MCU: variants seen among roughly 807,000 people sequenced by gnomAD.
MCU encodes mitochondrial calcium uniporter, also known as calcium uniporter protein, mitochondrial.
A neutral mutation model predicts 45.2 loss-of-function variants in MCU; 12 were observed. That is an observed-to-expected ratio of 0.27 (90% CI 0.17 to 0.43). The LOEUF is 0.43. Among genes scored for constraint, MCU ranks in the 20% least tolerant of loss-of-function variants. The probability of loss-of-function intolerance (pLI) is 1.00; values close to 1 mark genes in which losing one functional copy is unlikely to be tolerated. For synonymous variants in MCU, 160 were observed against 165.1 expected (o/e 0.97, Z 0.24); for missense variants, 324 against 436.7 (o/e 0.74, Z 2.30).
intron 6 of MCU, among the ~76,000 whole-genome samples, chr10:72,883,824 G>A (rs1321338032): frequency 6.6e-6 from 1 of 152,124 alleles, no homozygotes; most frequent in Non-Finnish European, 1.5e-5. Context: ...AATATATACT[G>A]TATGACTCCA....
At chr10:72,855,432 AT>A (rs1249328804) in intron 2 of MCU, among the ~76,000 whole-genome samples, 1 of 151,768 alleles carries the variant, frequency 6.6e-6, no homozygotes, top group African/African-American at 2.4e-5. Context: ...AAAAAAAAAA[AT>A]TATCCAGGCA....
chr10:72,769,946 A>G (rs1308046264), intron 1 of MCU, among the ~76,000 whole-genome samples: 1 of 152,178 alleles, frequency 6.6e-6, no homozygotes, highest in African/African-American at 2.4e-5. Flanking sequence ...ATAAATTTCC[A>G]TCTGAGCACC....
At chr10:72,781,392 A>T (rs1408240521) in intron 1 of MCU, among the ~76,000 whole-genome samples, 1 of 152,190 alleles carries the variant, frequency 6.6e-6, no homozygotes, top group Non-Finnish European at 1.5e-5. Flanking sequence ...TCAGTATCTT[A>T]GATTTATTAT....
At chr10:72,831,662 G>A (rs1347587301) in intron 1 of MCU, among the ~76,000 whole-genome samples, 2 of 152,134 alleles carry the variant, frequency 1.3e-5, no homozygotes, top group African/African-American at 2.4e-5. Flanking sequence ...TGTATGGGGG[G>A]AAAATACAGC....
chr10:72,743,675 TG>T (rs1374554013), intron 1 of MCU, among the ~76,000 whole-genome samples: 8 of 152,110 alleles, frequency 5.3e-5, no homozygotes, highest in Non-Finnish European at 1.5e-5. Flanking sequence ...TAGAGGCAAA[TG>T]AAAAAAACTT....
At chr10:72,699,870 G>A (rs1204026506) in intron 1 of MCU, among the ~76,000 whole-genome samples, 1 of 152,066 alleles carries the variant, frequency 6.6e-6, no homozygotes, top group Non-Finnish European at 1.5e-5. Flanking sequence ...GGGGTTACAG[G>A]TGTGAGCCAC....
intron 1 of MCU, among the ~76,000 whole-genome samples, chr10:72,781,043 G>A (rs1458570005): frequency 2.0e-5 from 3 of 151,926 alleles, no homozygotes; most frequent in Admixed American, 6.6e-5. Context: ...TTTAAGAATT[G>A]GAACACTCAA....
At chr10:72,752,761 A>G (rs552115177) in intron 1 of MCU, among the ~76,000 whole-genome samples, 7 of 152,226 alleles carry the variant, frequency 4.6e-5, no homozygotes, top group Admixed American at 2.0e-4. Flanking sequence ...TAGCAGAGCA[A>G]TGGCTGCTGT....
chr10:72,858,963 A>G (rs1190559773), intron 2 of MCU, among the ~76,000 whole-genome samples: 1 of 152,154 alleles, frequency 6.6e-6, no homozygotes, highest in Non-Finnish European at 1.5e-5. Context: ...CTGTTTTTTC[A>G]TATCTGTAAA....
chr10:72,729,985 G>A (rs1477439037), intron 1 of MCU, among the ~76,000 whole-genome samples: 3 of 114,838 alleles, frequency 2.6e-5, no homozygotes, highest in African/African-American at 3.4e-5. Context: ...TCGAGACAGT[G>A]TCTGGCTGTG....
At chr10:72,863,392 AG>A (rs986666320) in intron 4 of MCU, among the ~76,000 whole-genome samples, 3 of 152,176 alleles carry the variant, frequency 2.0e-5, no homozygotes, top group Non-Finnish European at 4.4e-5. Context: ...GATTGTGCAG[AG>A]GCCATATTCA....
chr10:72,837,856 G>GT (rs765624802), intron 2 of MCU, among the ~76,000 whole-genome samples: 2,927 of 131,984 alleles, frequency 0.022, 59 homozygotes, highest in African/African-American at 0.049. Flanking sequence ...CCCAATACTG[G>GT]TTTTTTTTTT....
intron 1 of MCU, among the ~76,000 whole-genome samples, chr10:72,701,573 C>T (rs1842758784): frequency 6.6e-6 from 1 of 152,144 alleles, no homozygotes; most frequent in Non-Finnish European, 1.5e-5. Flanking sequence ...GTCGCCCAGG[C>T]TGGAGTGCAG....
In MCU at chr10:72,852,478, A is replaced by G. The variant is rs561122327; in HGVS notation, c.221-6699A>G. Among the ~76,000 whole-genome samples the G allele has an allele frequency of 2.6e-5, 4 of 152,372 alleles. No homozygotes were observed. The East Asian group carries it at 5.8e-4, about 22-fold the overall frequency. ...CTGCTATGGGAATTACTATCCTGCT[A>G]TAAACAACTAGAACACCAGACAAAA... On this transcript the variant is annotated intron_variant, in intron 2 of 7. Coordinates refer to ENST00000373053, the MANE Select transcript of MCU (RefSeq NM_138357.3).
chr10:72,719,021 C>T (rs973548284), intron 1 of MCU, among the ~76,000 whole-genome samples: 5 of 151,978 alleles, frequency 3.3e-5, no homozygotes, highest in Non-Finnish European at 7.4e-5. Context: ...TCCTGGGGTG[C>T]TAGTAATGTT....
At chr10:72,698,985 G>A (rs1200105564) in intron 1 of MCU, among the ~76,000 whole-genome samples, 2 of 152,012 alleles carry the variant, frequency 1.3e-5, no homozygotes, top group Non-Finnish European at 1.5e-5. Context: ...TAAATTTTTT[G>A]TAGAGATGAA....
At chr10:72,704,601 C>T (rs1213791499) in intron 1 of MCU, among the ~76,000 whole-genome samples, 1 of 151,726 alleles carries the variant, frequency 6.6e-6, no homozygotes, top group East Asian at 1.9e-4. Context: ...TTCATGGCAC[C>T]ATTATAAATC....
chr10:72,790,114 A>G (rs1334015350), intron 1 of MCU, among the ~76,000 whole-genome samples: 1 of 152,228 alleles, frequency 6.6e-6, no homozygotes. Context: ...ATCATAGAAC[A>G]TTTAAACTGT....
intron 1 of MCU, among the ~76,000 whole-genome samples, chr10:72,832,125 G>A (rs1018707630): frequency 6.6e-6 from 1 of 151,962 alleles, no homozygotes; most frequent in African/African-American, 2.4e-5. Flanking sequence ...GGAGTGCAAC[G>A]GCACGATCAT....
Sources: gnomAD v4.1 joint callset for allele counts (sites outside exome capture counted in the v4.1 genomes callset) on GRCh38, gnomAD v4.1.1 for gene constraint, MANE v1.5 for transcripts, NCBI Gene and HGNC (gene_info 2026-07-23, HGNC 2026-07-21) for gene names.